Variants in MACROD2 observed in about 807,000 individuals in gnomAD.
The protein encoded by MACROD2 is mono-ADP ribosylhydrolase 2.
Under a neutral mutation model 70.4 loss-of-function variants are expected in MACROD2, and 36 were observed. That is an observed-to-expected ratio of 0.51 (90% CI 0.39 to 0.68). MACROD2 has a LOEUF of 0.68. Among genes scored for constraint, MACROD2 ranks in the 30% least tolerant of loss-of-function variants. The pLI is 0.00. For missense variants in MACROD2, 496 were observed against 538.4 expected (o/e 0.92, Z 0.78); for synonymous variants, 172 against 178.8 (o/e 0.96, Z 0.30).
chr20:14,956,633 A>T (rs1012062671), intron 5 of MACROD2, among the ~76,000 whole-genome samples: 1 of 152,164 alleles, frequency 6.6e-6, no homozygotes, highest in Non-Finnish European at 1.5e-5. Context: ...GTGACTGAGG[A>T]CATAACCATG....
chr20:16,003,570 A>T (rs1026999015), intron 15 of MACROD2, among the ~76,000 whole-genome samples: 2 of 152,184 alleles, frequency 1.3e-5, no homozygotes, highest in African/African-American at 4.8e-5. Context: ...TTCCAAGTTG[A>T]ATGTGCATGA....
chr20:14,334,260 A>G (rs564158271), intron 3 of MACROD2, among the ~76,000 whole-genome samples: 1 of 152,302 alleles, frequency 6.6e-6, no homozygotes, highest in East Asian at 1.9e-4. Context: ...TGTTTAACCA[A>G]ATTGAGTGAT....
intron 3 of MACROD2, among the ~76,000 whole-genome samples, chr20:14,213,411 C>CTTAGTTGG (rs1489008868): frequency 2.7e-5 from 3 of 112,976 alleles, no homozygotes; most frequent in African/African-American, 1.0e-4. Flanking sequence ...TCCCTAGAGT[C>CTTAGTTGG]TTAGTTGCTT....
intron 5 of MACROD2, among the ~76,000 whole-genome samples, chr20:14,724,600 G>T (rs984250223): frequency 6.6e-5 from 10 of 152,222 alleles, no homozygotes; most frequent in African/African-American, 2.4e-4. Flanking sequence ...TTTTAAGCTG[G>T]GGCTTTAAGA....
At chr20:15,705,998 A>G (rs1337595020) in intron 8 of MACROD2, among the ~76,000 whole-genome samples, 1 of 152,230 alleles carries the variant, frequency 6.6e-6, no homozygotes, top group Non-Finnish European at 1.5e-5. Context: ...ACATAAAGAT[A>G]TTTTGCAAAT....
intron 5 of MACROD2, among the ~76,000 whole-genome samples, chr20:14,849,413 G>T (rs749933743): frequency 1.3e-5 from 2 of 152,038 alleles, no homozygotes; most frequent in African/African-American, 4.8e-5. Flanking sequence ...CTCTAACTTC[G>T]GTGTGCTGGG....
chr20:15,293,491 A>G (rs2077559255), intron 6 of MACROD2, among the ~76,000 whole-genome samples: 1 of 152,242 alleles, frequency 6.6e-6, no homozygotes, highest in South Asian at 2.1e-4. Context: ...AAAATCTTCA[A>G]TCCAAAACAA....
chr20:15,518,555 C>T lies in MACROD2; in HGVS notation c.645+18708C>T, dbSNP rs117421264. On this transcript the variant is annotated intron_variant, in intron 8 of 17. Transcript: ENST00000684519. ...CATCTCTTTTTGCTTTCCCTTCAAC[C>T]TCCAGCATATTTGATTTAAAAGCAA... is the stretch of plus-strand genomic sequence containing the variant. Among the ~76,000 whole-genome samples, 284 of 152,172 alleles carry T rather than the reference C, an allele frequency of 1.9e-3. 9 individuals are homozygous for T. In the East Asian group the frequency reaches 0.033, roughly 17 times the overall value.
chr20:14,808,673 C>G (rs1394599457), intron 5 of MACROD2, among the ~76,000 whole-genome samples: 1 of 151,480 alleles, frequency 6.6e-6, no homozygotes, highest in Non-Finnish European at 1.5e-5. Context: ...CATCATTGTG[C>G]TATATTCAGG....
At chr20:14,318,805 C>T (rs1204074171) in intron 3 of MACROD2, among the ~76,000 whole-genome samples, 3 of 152,056 alleles carry the variant, frequency 2.0e-5, no homozygotes, top group African/African-American at 7.2e-5. Flanking sequence ...TATTATCTCC[C>T]TTCTGGATCA....
At chr20:16,000,101 T>G (rs1183380735) in intron 15 of MACROD2, among the ~76,000 whole-genome samples, 1 of 152,206 alleles carries the variant, frequency 6.6e-6, no homozygotes, top group African/African-American at 2.4e-5. Context: ...TAAATAAAGT[T>G]TTCTTAGAAC....
rs1322451170 is a variant in MACROD2 at position 15,616,135 on chromosome 20, C to T, written c.645+116288C>T. Among the ~76,000 whole-genome samples the T allele has an allele frequency of 2.1e-5, 3 of 140,668 alleles. No individual in the cohort carries two copies. In the East Asian group the frequency reaches 6.6e-4, roughly 31 times the overall value. 92.3% of individuals were successfully genotyped at this position (140,668 alleles called of 152,430 possible). A position where few individuals can be genotyped will look rare whatever the true frequency, so the allele number is the denominator to read the frequency against. On this transcript the variant is annotated intron_variant, in intron 8 of 17. Transcript: ENST00000684519. ...TTTTTTTTTTTGAGACAGAGTCTCACTCTGTCACCCGGGCCTGGAGTGCAG... is the reference window on the plus strand; with the variant it reads ...TTTTTTTTTTTGAGACAGAGTCTCATTCTGTCACCCGGGCCTGGAGTGCAG...
intron 15 of MACROD2, among the ~76,000 whole-genome samples, chr20:16,009,621 G>C (rs529514654): frequency 3.3e-5 from 5 of 152,126 alleles, no homozygotes; most frequent in Non-Finnish European, 4.4e-5. Context: ...GCCAAGCATG[G>C]TGGCGGGCAC....
rs143792891 is a variant in MACROD2, at chr20:14,623,545, C to G, written c.302-61298C>G. Among the ~76,000 whole-genome samples, 336 of 152,208 alleles carry G rather than the reference C, an allele frequency of 2.2e-3. 1 individual carries two copies. Among genetic ancestry groups the G allele is most frequent in the African/African-American group, 7.7e-3 (321 of 41,526 alleles). On this transcript the variant is annotated intron_variant, in intron 4 of 17. Coordinates refer to ENST00000684519, the MANE Select transcript of MACROD2 (RefSeq NM_001351661.2). ...AATAAATAGAAATGCCAGAATTTTG[C>G]TGTAGCAGACAGTGGATGAACTAAT...
At chr20:15,253,685 A>G (rs1167853148) in intron 6 of MACROD2, among the ~76,000 whole-genome samples, 2 of 152,270 alleles carry the variant, frequency 1.3e-5, no homozygotes, top group African/African-American at 2.4e-5. Context: ...ATAGATGCCT[A>G]TGGGAAACTG....
At chr20:14,127,839 G>T in intron 3 of MACROD2, 1 of 468,344 alleles carries the variant, frequency 2.1e-6, no homozygotes. Context: ...GCAATCAATA[G>T]CAGGAAGCAC....
chr20:16,012,943 A>G (rs1015928869), intron 15 of MACROD2, among the ~76,000 whole-genome samples: 23 of 152,222 alleles, frequency 1.5e-4, no homozygotes, highest in African/African-American at 4.8e-4. Context: ...GCACTTTGGG[A>G]GGCTGAAGCG....
chr20:15,223,845 A>G (rs1418210661), intron 5 of MACROD2, among the ~76,000 whole-genome samples: 2 of 152,082 alleles, frequency 1.3e-5, no homozygotes, highest in African/African-American at 4.8e-5. Flanking sequence ...AAAATATGAG[A>G]TCTTTGTGAC....
intron 5 of MACROD2, among the ~76,000 whole-genome samples, chr20:14,739,769 GA>G (rs2039706279): frequency 6.6e-6 from 1 of 151,990 alleles, no homozygotes; most frequent in South Asian, 2.1e-4. Context: ...TACATTGACT[GA>G]ATATTGGAAG....
Sources: gnomAD v4.1 joint callset for allele counts (sites outside exome capture counted in the v4.1 genomes callset) on GRCh38, gnomAD v4.1.1 for gene constraint, MANE v1.5 for transcripts, NCBI Gene and HGNC (gene_info 2026-07-23, HGNC 2026-07-21) for gene names.